The following EHMT1 variants were observed in gnomAD, a reference collection of about 807,000 sequenced individuals.
The protein encoded by EHMT1 is euchromatic histone lysine methyltransferase 1.
In EHMT1, 15 loss-of-function variants were observed where a neutral mutation model predicts 147.2. That is an observed-to-expected ratio of 0.10 (90% CI 0.07 to 0.16). EHMT1 has a LOEUF of 0.16. Ranked by LOEUF, EHMT1 falls within the 10% of genes least tolerant of loss-of-function variation. EHMT1 has a pLI of 1.00. For synonymous variants in EHMT1, 795 were observed against 709.6 expected, an observed-to-expected ratio of 1.12 and a Z score of -1.91; for missense variants, 1,587 against 1,772.4, an observed-to-expected ratio of 0.90 and a Z score of 1.88.
At chr9:137,621,108 A>G (rs1029970277) in intron 1 of EHMT1, among the ~76,000 whole-genome samples, 4 of 152,270 alleles carry the variant, frequency 2.6e-5, no homozygotes, top group African/African-American at 7.2e-5. Context: ...TAAATGTGTT[A>G]TATCTGTGAT....
chr9:137,629,093 A>G (rs1407028747), intron 1 of EHMT1, among the ~76,000 whole-genome samples: 4 of 129,798 alleles, frequency 3.1e-5, no homozygotes, highest in Non-Finnish European at 6.7e-5. Flanking sequence ...TTGCTTTTGT[A>G]TTTTTTTTTT....
intron 25 of EHMT1, among the ~76,000 whole-genome samples, chr9:137,832,191 C>G (rs1488599929): frequency 6.6e-6 from 1 of 151,146 alleles, no homozygotes. Flanking sequence ...GCCAGGCTCC[C>G]TCCACAGGCC....
intron 2 of EHMT1, chr9:137,715,708 A>T (rs888415305): frequency 4.3e-5 from 42 of 985,312 alleles, no homozygotes; most frequent in Non-Finnish European, 4.6e-5. Flanking sequence ...TGGGGTTGTC[A>T]TCGGAGAGTG....
chr9:137,779,477 C>G (rs144913518), intron 13 of EHMT1, among the ~76,000 whole-genome samples, 158 bp from the exon 14 acceptor site: 3 of 152,132 alleles, frequency 2.0e-5, no homozygotes, highest in African/African-American at 7.2e-5. Context: ...GGTGGGCAGA[C>G]GTCTGCCGGG....
intron 3 of EHMT1, among the ~76,000 whole-genome samples, chr9:137,727,591 T>TACTGTGTATTGC (rs1161548854): frequency 6.6e-6 from 1 of 152,266 alleles, no homozygotes; most frequent in African/African-American, 2.4e-5. Flanking sequence ...CTGTGTATTT[T>TACTGTGTATTGC]ACTGTGTATT....
At chr9:137,754,147 A>G in intron 7 of EHMT1, 24 bp from the exon 8 acceptor site, 18 of 1,613,974 alleles carry the variant, frequency 1.1e-5, no homozygotes, top group Non-Finnish European at 1.5e-5. Flanking sequence ...AGTGGTTTAT[A>G]TGCCTGCCCG....
chr9:137,644,615 C>T (rs1022788139), intron 1 of EHMT1, among the ~76,000 whole-genome samples: 12 of 152,000 alleles, frequency 7.9e-5, no homozygotes, highest in African/African-American at 1.7e-4. Context: ...CGTGAGCCAC[C>T]GGGCCCGGCC....
chr9:137,778,031 C>T lies in EHMT1; in HGVS notation c.2168C>T (p.Ala723Val), dbSNP rs1158157805. The T allele has an allele frequency of 1.9e-6, 3 of 1,613,904 alleles. No individual in the cohort carries two copies. Among genetic ancestry groups the T allele is most frequent in the Non-Finnish European group, 2.5e-6 (3 of 1,180,038 alleles). Residue 723 changes from alanine (A) to valine (V), a missense_variant, in exon 13 of 27, where the codon GCT becomes GTT. By Grantham distance (64) the Ala-to-Val change is moderately conservative. This residue lies in a region of EHMT1 where 201 missense variants were observed against 350.1 expected (regional missense o/e 0.57). Coordinates refer to ENST00000460843, the MANE Select transcript of EHMT1 (RefSeq NM_024757.5). Reference protein sequence around the residue: ...QGPGKETLESALIALDSEKPK... With the variant: ...QGPGKETLESVLIALDSEKPK... ...CCAGGGAAGGAAACCTTGGAGAGCG[C>T]TCTCATCGCCCTCGACTCGGAAAAG... is the stretch of plus-strand genomic sequence containing the variant.
intron 1 of EHMT1, among the ~76,000 whole-genome samples, chr9:137,683,667 T>C (rs1323562136): frequency 6.6e-6 from 1 of 152,228 alleles, no homozygotes; most frequent in Non-Finnish European, 1.5e-5. Flanking sequence ...TTATATAATA[T>C]GTGTAAATTA....
intron 15 of EHMT1, chr9:137,784,318 G>T (rs1171229999): frequency 5.9e-6 from 8 of 1,352,254 alleles, no homozygotes; most frequent in African/African-American, 5.9e-5. Flanking sequence ...TCACAGCCTC[G>T]TAGCCTCTTA....
At chr9:137,726,303 A>T (rs907741004) in intron 3 of EHMT1, among the ~76,000 whole-genome samples, 2 of 151,992 alleles carry the variant, frequency 1.3e-5, no homozygotes, top group East Asian at 3.9e-4. Flanking sequence ...CCCTGGCAAT[A>T]CCATTCTACT....
chr9:137,811,988 G>A (rs569425532), intron 19 of EHMT1, among the ~76,000 whole-genome samples: 1 of 152,298 alleles, frequency 6.6e-6, no homozygotes, highest in Non-Finnish European at 1.5e-5. Context: ...GCCACCCACA[G>A]CCAGGGCTGG....
At chr9:137,810,444 G>A (rs1465553326) in intron 18 of EHMT1, among the ~76,000 whole-genome samples, 1 of 152,246 alleles carries the variant, frequency 6.6e-6, no homozygotes, top group African/African-American at 2.4e-5. Flanking sequence ...TCCCTGGGGC[G>A]ATAGAGTTAG....
chr9:137,769,905 C>T (rs1477489257), intron 10 of EHMT1, among the ~76,000 whole-genome samples: 1 of 152,052 alleles, frequency 6.6e-6, no homozygotes, highest in African/African-American at 2.4e-5. Context: ...GGCATGAACA[C>T]GACACAGTGC....
intron 16 of EHMT1, 85 bp downstream of exon 16, chr9:137,791,055 C>T (rs1176511667): frequency 1.2e-6 from 2 of 1,610,036 alleles, no homozygotes; most frequent in Non-Finnish European, 1.7e-6. Flanking sequence ...TTACTGACAT[C>T]TCCAGGACTT....
At chr9:137,763,101 G>C (rs549974321) in intron 10 of EHMT1, 1 of 603,174 alleles carries the variant, frequency 1.7e-6, no homozygotes, top group Admixed American at 2.9e-5. Context: ...GTTTTGTCAA[G>C]GTTTTTCCTA....
chr9:137,688,883 C>T (rs1942688280), intron 1 of EHMT1, among the ~76,000 whole-genome samples: 1 of 152,118 alleles, frequency 6.6e-6, no homozygotes, highest in South Asian at 2.1e-4. Context: ...CGCGGATGGC[C>T]GTGGTGACCT....
At chr9:137,788,227 C>T (rs1312163694) in intron 15 of EHMT1, 2 of 524,212 alleles carry the variant, frequency 3.8e-6, no homozygotes, top group Non-Finnish European at 6.6e-6. Context: ...CCAGGATGCT[C>T]CTCCCTGGAG....
chr9:137,815,412 G>A (rs1028801912), intron 22 of EHMT1: 16 of 208,164 alleles, frequency 7.7e-5, no homozygotes, highest in Admixed American at 2.6e-4. Flanking sequence ...TCAAGCCAGA[G>A]TGTGCCTGGG....
Sources: allele counts gnomAD v4.1 joint callset (sites outside exome capture counted in the v4.1 genomes callset), GRCh38; gene constraint gnomAD v4.1.1; regional missense constraint gnomAD v4.1.1; transcripts MANE v1.5; gene names NCBI Gene and HGNC (gene_info 2026-07-23, HGNC 2026-07-21).